Variants in KIF11 observed in about 807,000 individuals in gnomAD.
The protein encoded by KIF11 is kinesin-like protein KIF11.
Under a neutral mutation model 121.0 loss-of-function variants are expected in KIF11, and 9 were observed. The observed-to-expected ratio is 0.07, with a 90% CI of 0.04 to 0.13. The LOEUF is 0.13. Among genes scored for constraint, KIF11 ranks in the 10% least tolerant of loss-of-function variants. The pLI is 1.00. For missense variants in KIF11, 846 were observed against 1,217.5 expected (o/e 0.69, Z 4.54); for synonymous variants, 408 against 421.0 (o/e 0.97, Z 0.38).
chr10:92,651,507 G>GTTTTTTTTTTTTTT lies in KIF11; in HGVS notation c.3039+1018_3039+1031dup, dbSNP rs1175303233. On this transcript the variant is annotated intron_variant, in intron 21 of 21. Coordinates refer to ENST00000260731, the MANE Select transcript of KIF11 (RefSeq NM_004523.4). ...TGTGCCACCATGCCTGGCTAATTTTGTTTTTTTTTTTTTTTTTTTTTTTTT... is the reference window on the plus strand; with the variant it reads ...TGTGCCACCATGCCTGGCTAATTTTGTTTTTTTTTTTTTTTTTTTTTTTTTTTTTTTTTTTTTTT... Among the ~76,000 whole-genome samples, 22 of 52,964 alleles carry GTTTTTTTTTTTTTT rather than the reference G, an allele frequency of 4.2e-4. 2 individuals are homozygous for GTTTTTTTTTTTTTT. Among genetic ancestry groups the GTTTTTTTTTTTTTT allele is most frequent in the Non-Finnish European group, 7.5e-4 (18 of 23,896 alleles). 34.7% of individuals were successfully genotyped at this position (52,964 alleles called of 152,430 possible). A position where few individuals can be genotyped will look rare whatever the true frequency, so the allele number is the denominator to read the frequency against.
intron 14 of KIF11, among the ~76,000 whole-genome samples, chr10:92,634,032 G>A (rs1844767451): frequency 6.6e-6 from 1 of 152,104 alleles, no homozygotes; most frequent in Non-Finnish European, 1.5e-5. Context: ...CTGTCGTCCA[G>A]GAGTGCAGTG....
At position 92,609,266 on chromosome 10, in the gene KIF11, C is replaced by CAGAG. The variant is rs3835295; in HGVS notation, c.574-84_574-81dup. ...TTTAATGTGTGAGGCTTTGAGAAGTCAGAGAGAGAGAGAGAGAGAGAGAGA... is the reference window on the plus strand; with the variant it reads ...TTTAATGTGTGAGGCTTTGAGAAGTCAGAGAGAGAGAGAGAGAGAGAGAGAGAGA... On this transcript the variant is annotated intron_variant, in intron 5 of 21. Coordinates refer to ENST00000260731, the MANE Select transcript of KIF11 (RefSeq NM_004523.4). The CAGAG allele has an allele frequency of 8.4e-4, 627 of 746,942 alleles. 1 individual carries two copies. The highest frequency in any genetic ancestry group is 2.2e-3 in the Middle Eastern group (5 of 2,238). The allele number at this position is 746,942 out of a possible 1,614,324, so 46.3% of individuals were successfully genotyped here.
chr10:92,637,331 AT>A, intron 15 of KIF11, 22 bp downstream of exon 15: 6 of 1,583,848 alleles, frequency 3.8e-6, no homozygotes, highest in African/African-American at 1.4e-5. Flanking sequence ...TATGTTCTTA[AT>A]ATCTCAAAAT....
At chr10:92,603,642 G>C (rs1010619760) in intron 1 of KIF11, among the ~76,000 whole-genome samples, 1 of 152,066 alleles carries the variant, frequency 6.6e-6, no homozygotes, top group African/African-American at 2.4e-5. Context: ...GTGAGCCACT[G>C]TGCCTGGCCT....
At chr10:92,641,248 A>G (rs776052288) in intron 17 of KIF11, among the ~76,000 whole-genome samples, 11 of 152,200 alleles carry the variant, frequency 7.2e-5, no homozygotes, top group Non-Finnish European at 1.2e-4. Flanking sequence ...TGAGTATTCT[A>G]TACTCATGAG....
chr10:92,634,474 A>G (rs951660160), intron 14 of KIF11, among the ~76,000 whole-genome samples: 15 of 146,902 alleles, frequency 1.0e-4, no homozygotes, highest in South Asian at 2.2e-4. Context: ...GTGTTTTACC[A>G]TGTTGGTCAG....
rs913208625 is a variant in KIF11 at position 92,593,160 on chromosome 10, T to A, written c.-216T>A. 3.8e-6 allele frequency: 2 copies of A among 533,278 alleles called. No individual in the cohort carries two copies. The highest frequency in any genetic ancestry group is 6.8e-6 in the Non-Finnish European group (2 of 295,986). The allele number at this position is 533,278 out of a possible 1,614,324, so 33.0% of individuals were successfully genotyped here. A position where few individuals can be genotyped will look rare whatever the true frequency, so the allele number is the denominator to read the frequency against. ...CTGGGGATTCGGGCGGAGACGAGAT[T>A]AGTGATTTGGCGGCTCCGACTGGCG... is the stretch of plus-strand genomic sequence containing the variant. On this transcript the variant is annotated 5_prime_UTR_variant, in exon 1 of 22. Transcript: ENST00000260731.
At chr10:92,599,854 T>C (rs1475041752) in intron 1 of KIF11, among the ~76,000 whole-genome samples, 1 of 150,682 alleles carries the variant, frequency 6.6e-6, no homozygotes, top group African/African-American at 2.4e-5. Context: ...GGTTTCACCA[T>C]GTTGGCCAGG....
intron 1 of KIF11, among the ~76,000 whole-genome samples, chr10:92,598,963 A>G (rs571921744): frequency 3.0e-4 from 46 of 152,164 alleles, no homozygotes; most frequent in African/African-American, 1.1e-3. Flanking sequence ...TTTTTACTAG[A>G]GACAAAGTTT....
At chr10:92,629,865 C>T (rs1214260505) in intron 11 of KIF11, among the ~76,000 whole-genome samples, 6 of 152,162 alleles carry the variant, frequency 3.9e-5, no homozygotes, top group Admixed American at 2.0e-4. Context: ...TGATCTCCTG[C>T]CTTGGCCTCC....
chr10:92,623,317 A>T (rs17367408), intron 10 of KIF11, among the ~76,000 whole-genome samples: 1 of 152,154 alleles, frequency 6.6e-6, no homozygotes, highest in Non-Finnish European at 1.5e-5. Flanking sequence ...GCTTTTATTG[A>T]GGCCCATTGT....
chr10:92,651,378 C>T (rs1477322357), intron 21 of KIF11, among the ~76,000 whole-genome samples: 1 of 150,404 alleles, frequency 6.6e-6, no homozygotes, highest in East Asian at 2.0e-4. Flanking sequence ...TCTTGTTTCC[C>T]AGGCTGGAGT....
chr10:92,650,094 C>A, intron 20 of KIF11, 108 bp downstream of exon 20: 4 of 783,644 alleles, frequency 5.1e-6, no homozygotes, highest in Non-Finnish European at 8.2e-6. Flanking sequence ...TACCCCGCCT[C>A]TCATTAATGA....
At chr10:92,621,224 A>G (rs960238470) in intron 9 of KIF11, among the ~76,000 whole-genome samples, 161 bp from the exon 10 acceptor site, 4 of 152,208 alleles carry the variant, frequency 2.6e-5, no homozygotes, top group Non-Finnish European at 5.9e-5. Flanking sequence ...TTTCTAAACA[A>G]ATTAATATTG....
chr10:92,612,018 CA>C, intron 6 of KIF11, among the ~76,000 whole-genome samples: 1 of 152,110 alleles, frequency 6.6e-6, no homozygotes, highest in South Asian at 2.1e-4. Flanking sequence ...TAATGTTCAC[CA>C]AATGCCATTG....
intron 1 of KIF11, 92 bp from the exon 2 acceptor site, chr10:92,606,173 G>C (rs371359626): frequency 5.6e-6 from 7 of 1,249,938 alleles, no homozygotes; most frequent in African/African-American, 1.5e-5. Flanking sequence ...TCAAAATTTC[G>C]CATTTTTCTT....
intron 14 of KIF11, 100 bp downstream of exon 14, chr10:92,633,895 T>C (rs1238908356): frequency 1.3e-6 from 1 of 741,890 alleles, no homozygotes; most frequent in African/African-American, 1.8e-5. Flanking sequence ...ATAAACAATG[T>C]TAACTGCTAT....
At chr10:92,600,129 G>A (rs777631507) in intron 1 of KIF11, among the ~76,000 whole-genome samples, 119 of 151,164 alleles carry the variant, frequency 7.9e-4, no homozygotes, top group African/African-American at 2.2e-3. Flanking sequence ...CTCAGCCTCC[G>A]GAGTAGCTGG....
At chr10:92,645,687 CAG>C (rs1329231033) in intron 18 of KIF11, 45 bp downstream of exon 18, 2 of 1,369,752 alleles carry the variant, frequency 1.5e-6, no homozygotes, top group Non-Finnish European at 2.0e-6. Flanking sequence ...GAATAATAAT[CAG>C]AAAGTTAAAT....
Sources: gnomAD v4.1 joint callset for allele counts (sites outside exome capture counted in the v4.1 genomes callset) on GRCh38, gnomAD v4.1.1 for gene constraint, MANE v1.5 for transcripts, NCBI Gene and HGNC (gene_info 2026-07-23, HGNC 2026-07-21) for gene names.